The following PCDHA3 variants were observed in gnomAD, a reference collection of about 807,000 sequenced individuals.
The protein encoded by PCDHA3 is protocadherin alpha 3.
PCDHA3 carries 41 observed loss-of-function variants against 62.2 expected under a neutral mutation model. The ratio of observed to expected loss-of-function variants is 0.66; its 90% CI spans 0.51 to 0.86. The LOEUF (loss-of-function observed/expected upper bound fraction) is 0.86. Ranked by LOEUF, PCDHA3 falls within the 40% of genes least tolerant of loss-of-function variation. PCDHA3 has a pLI of 0.00. For synonymous variants in PCDHA3, 640 were observed against 555.4 expected, an observed-to-expected ratio of 1.15 and a Z score of -2.14; for missense variants, 1,304 against 1,241.2, an observed-to-expected ratio of 1.05 and a Z score of -0.76.
rs554030052 is a variant in PCDHA3 at position 140,856,707 on chromosome 5, A to C, written c.2394+53116A>C. The C allele has an allele frequency of 4.6e-4, 729 of 1,596,628 alleles. 58 individuals carry two copies. The South Asian group carries it at 7.4e-3, about 16-fold the overall frequency. ...ACAGCAACTGATGGAGGCAAACCTGAATTTACCGGATCTGTTTCTCTGCTG... is the reference window on the plus strand; with the variant it reads ...ACAGCAACTGATGGAGGCAAACCTGCATTTACCGGATCTGTTTCTCTGCTG... On this transcript the variant is annotated intron_variant, in intron 1 of 3. Coordinates refer to ENST00000522353, the MANE Select transcript of PCDHA3 (RefSeq NM_018906.3).
chr5:140,875,579 A>G (rs552791418), intron 1 of PCDHA3: 3 of 1,614,050 alleles, frequency 1.9e-6, no homozygotes, highest in Non-Finnish European at 2.5e-6. Context: ...TACTCCGTCT[A>G]CGAGGAGGCC....
intron 1 of PCDHA3, chr5:140,852,488 G>A (rs1554145834): frequency 4.7e-6 from 1 of 213,506 alleles, no homozygotes; most frequent in African/African-American, 2.4e-5. Context: ...ATGTTGGCCA[G>A]GTTGGTCTCG....
rs2150340110 is a variant in PCDHA3, at chr5:140,842,596, A to G, written c.2394+39005A>G. On this transcript the variant is annotated intron_variant, in intron 1 of 3. Coordinates refer to ENST00000522353, the MANE Select transcript of PCDHA3 (RefSeq NM_018906.3). ...GAGTGTCGGCCTATGAGTTGGTGGTAACCGCGCGGGACGGGGGCTCGCCTT... is the reference window on the plus strand; with the variant it reads ...GAGTGTCGGCCTATGAGTTGGTGGTGACCGCGCGGGACGGGGGCTCGCCTT... 5.2e-6 allele frequency: 8 copies of G among 1,537,682 alleles called. 1 individual carries two copies. Among genetic ancestry groups the G allele is most frequent in the South Asian group, 3.4e-5 (3 of 88,884 alleles).
intron 1 of PCDHA3, chr5:140,883,399 T>C (rs143292342): frequency 3.1e-5 from 50 of 1,614,100 alleles, no homozygotes; most frequent in Non-Finnish European, 4.1e-5. Flanking sequence ...TGTCCGATCG[T>C]GACTCTGGCT....
intron 1 of PCDHA3, among the ~76,000 whole-genome samples, chr5:140,840,117 TG>T (rs1426116905): frequency 6.6e-6 from 1 of 151,944 alleles, no homozygotes; most frequent in African/African-American, 2.4e-5. Flanking sequence ...GAGTGAAAGC[TG>T]TACTAATAAG....
In PCDHA3 at chr5:140,882,349, T is replaced by G. The variant is rs782020720; in HGVS notation, c.2394+78758T>G. On this transcript the variant is annotated intron_variant, in intron 1 of 3. Transcript: ENST00000522353. ...TGATCCTCGCAGCCTGGGAGACGGG[T>G]AGTGGCCAGCTCCACTACTCCGTCC... 9 of 1,613,872 alleles carry G rather than the reference T, an allele frequency of 5.6e-6. No individual in the cohort carries two copies. The Admixed American group carries it at 1.3e-4, about 24-fold the overall frequency.
At chr5:140,858,028 C>T (rs1192934836) in intron 1 of PCDHA3, 1 of 1,596,786 alleles carries the variant, frequency 6.3e-7, no homozygotes, top group Non-Finnish European at 8.6e-7. Context: ...CGCTGACGGC[C>T]ACGGCCACTG....
intron 1 of PCDHA3, chr5:140,884,480 A>G (rs782532542): frequency 6.2e-7 from 1 of 1,613,780 alleles, no homozygotes; most frequent in South Asian, 1.1e-5. Context: ...GGGCAAGCCC[A>G]CTCTAGTGTG....
At chr5:140,973,599 T>C (rs952944512) in intron 1 of PCDHA3, among the ~76,000 whole-genome samples, 7 of 152,258 alleles carry the variant, frequency 4.6e-5, no homozygotes, top group African/African-American at 1.4e-4. Flanking sequence ...GATGGAATTA[T>C]GGCTGAGCTC....
rs146197308 is a variant in PCDHA3 at position 140,808,877 on chromosome 5, G to A, written c.2394+5286G>A. 1.9e-4 allele frequency: 304 copies of A among 1,613,254 alleles called. 1 individual carries two copies. In the African/African-American group the frequency reaches 3.5e-3, roughly 18 times the overall value. ...GCTGGACGAAAACGACAACGCGCCAGCACTGCTAGCGCCTCGGGCGGGTGG... is the reference window on the plus strand; with the variant it reads ...GCTGGACGAAAACGACAACGCGCCAACACTGCTAGCGCCTCGGGCGGGTGG... On this transcript the variant is annotated intron_variant, in intron 1 of 3. Transcript: ENST00000522353.
intron 1 of PCDHA3, chr5:140,926,742 C>A: frequency 8.3e-7 from 1 of 1,199,336 alleles, no homozygotes; most frequent in Non-Finnish European, 1.1e-6. Flanking sequence ...GGAGGCGCAA[C>A]GTCGGCGGTC....
intron 1 of PCDHA3, among the ~76,000 whole-genome samples, chr5:140,940,440 G>T (rs1348385112): frequency 1.3e-5 from 2 of 151,928 alleles, no homozygotes; most frequent in Non-Finnish European, 2.9e-5. Flanking sequence ...AGTCTGCCAT[G>T]ATATTTTTTA....
At chr5:140,896,022 GC>G (rs2065315462) in intron 1 of PCDHA3, among the ~76,000 whole-genome samples, 3 of 152,138 alleles carry the variant, frequency 2.0e-5, no homozygotes, top group Admixed American at 1.3e-4. Context: ...TGTTGGCCAG[GC>G]TGGTCTCGAA....
In PCDHA3 at chr5:140,883,463, T is replaced by C. The variant is rs1028584234; in HGVS notation, c.2394+79872T>C. On this transcript the variant is annotated intron_variant, in intron 1 of 3. Transcript: ENST00000522353. ...GCCGCATGTCCCCTTCAAGCTGGTGTCCACCTACAAGAACTACTACTCATT... is the reference window on the plus strand; with the variant it reads ...GCCGCATGTCCCCTTCAAGCTGGTGCCCACCTACAAGAACTACTACTCATT... 44 of 1,614,040 alleles carry C rather than the reference T, an allele frequency of 2.7e-5. No individual in the cohort carries two copies. Among genetic ancestry groups the C allele is most frequent in the Non-Finnish European group, 3.6e-5 (42 of 1,180,048 alleles).
At position 140,855,973 on chromosome 5, in the gene PCDHA3, T is replaced by A. The variant is rs371048948; in HGVS notation, c.2394+52382T>A. ...TTCGATAAAAAATAGATATAAGAAATAGGACAGAAAATGTCAGATCGTATG... is the reference window on the plus strand; with the variant it reads ...TTCGATAAAAAATAGATATAAGAAAAAGGACAGAAAATGTCAGATCGTATG... On this transcript the variant is annotated intron_variant, in intron 1 of 3. Coordinates refer to ENST00000522353, the MANE Select transcript of PCDHA3 (RefSeq NM_018906.3). 71 of 1,440,548 alleles carry A rather than the reference T, an allele frequency of 4.9e-5. 4 individuals are homozygous for A. The Middle Eastern group carries it at 9.2e-4, about 19-fold the overall frequency. The allele number at this position is 1,440,548 out of a possible 1,614,324, so 89.2% of individuals were successfully genotyped here.
chr5:140,944,133 G>C (rs1051812384), intron 1 of PCDHA3, among the ~76,000 whole-genome samples: 2 of 152,134 alleles, frequency 1.3e-5, no homozygotes, highest in Non-Finnish European at 2.9e-5. Context: ...AGAAAAGGTT[G>C]AAGATTAGAA....
chr5:140,876,118 G>A (rs2153337008), intron 1 of PCDHA3: 1 of 1,613,926 alleles, frequency 6.2e-7, no homozygotes, highest in South Asian at 1.1e-5. Flanking sequence ...GATGGTAATC[G>A]ATGGCGGTAA....
At chr5:140,969,578 G>A (rs2096343344) in intron 1 of PCDHA3, 2 of 957,378 alleles carry the variant, frequency 2.1e-6, no homozygotes, top group Admixed American at 5.9e-5. Context: ...TGAGAAGTGA[G>A]GATTAGTCTT....
intron 3 of PCDHA3, among the ~76,000 whole-genome samples, chr5:141,005,404 G>A (rs1265064301): frequency 6.6e-6 from 1 of 152,166 alleles, no homozygotes; most frequent in Non-Finnish European, 1.5e-5. Context: ...CAGACTTGAA[G>A]AGTGAGGAGT....
Sources: gnomAD v4.1 joint callset for allele counts (sites outside exome capture counted in the v4.1 genomes callset) on GRCh38, gnomAD v4.1.1 for gene constraint, MANE v1.5 for transcripts, NCBI Gene and HGNC (gene_info 2026-07-23, HGNC 2026-07-21) for gene names.